The following HEATR5A variants were observed in gnomAD, a reference collection of about 807,000 sequenced individuals.
HEATR5A encodes HEAT repeat containing 5A.
A neutral mutation model predicts 218.8 loss-of-function variants in HEATR5A; 178 were observed. The ratio of observed to expected loss-of-function variants is 0.81; its 90% confidence interval spans 0.72 to 0.92. The LOEUF is 0.92. Among genes scored for constraint, HEATR5A ranks in the 40% least tolerant of loss-of-function variants. The pLI is 0.00. For missense variants in HEATR5A, 2,420 were observed against 2,418.9 expected (o/e 1.00, Z -0.01); for synonymous variants, 864 against 871.6 (o/e 0.99, Z 0.15).
chr14:31,380,476 T>A lies in HEATR5A; in HGVS notation c.1699A>T (p.Met567Leu). Residue 567 changes from methionine to leucine, a missense_variant, in exon 11 of 36, where the codon ATG (methionine) becomes TTG (leucine). Transcript: ENST00000543095. ...QAGWLLISAL[M>L]TLGPAVVSHH... ...TTCTACAGACTGTTACCTAATGTCA[T>A]CAGAGCAGAAATCAGCAACCATCCA... 2 of 1,602,240 alleles carry A rather than the reference T, an allele frequency of 1.2e-6. No individual in the cohort carries two copies. The highest frequency in any genetic ancestry group is 1.7e-6 in the Non-Finnish European group (2 of 1,173,162).
chr14:31,295,746 T>G (rs920563487), intron 34 of HEATR5A, among the ~76,000 whole-genome samples, 163 bp downstream of exon 34: 1 of 152,044 alleles, frequency 6.6e-6, no homozygotes, highest in Non-Finnish European at 1.5e-5. Flanking sequence ...AGACTACTGT[T>G]ATTTGGCTTT....
At chr14:31,373,588 C>T (rs1902118142) in intron 12 of HEATR5A, among the ~76,000 whole-genome samples, 1 of 152,168 alleles carries the variant, frequency 6.6e-6, no homozygotes, top group Non-Finnish European at 1.5e-5. Context: ...ACCTCAGCCT[C>T]CCAAAGTGCT....
intron 28 of HEATR5A, among the ~76,000 whole-genome samples, chr14:31,310,598 C>A (rs1379879689): frequency 6.6e-6 from 1 of 152,022 alleles, no homozygotes; most frequent in African/African-American, 2.4e-5. Context: ...CGAGATCAAG[C>A]CACTGCCCTC....
intron 10 of HEATR5A, among the ~76,000 whole-genome samples, chr14:31,382,864 C>A (rs1177274419): frequency 6.6e-6 from 1 of 150,978 alleles, no homozygotes; most frequent in Non-Finnish European, 1.5e-5. Flanking sequence ...CCTTAAGTTA[C>A]CTCTTTTTAA....
intron 1 of HEATR5A, among the ~76,000 whole-genome samples, chr14:31,416,914 C>T (rs779650285): frequency 1.3e-4 from 19 of 151,944 alleles, no homozygotes; most frequent in Middle Eastern, 3.4e-3. Flanking sequence ...ACAGCCTGGG[C>T]GACATAGCAA....
chr14:31,298,915 T>C (rs761463416), intron 33 of HEATR5A, among the ~76,000 whole-genome samples: 1 of 152,200 alleles, frequency 6.6e-6, no homozygotes, highest in African/African-American at 2.4e-5. Flanking sequence ...CTTACACCTC[T>C]CATTTGTGCC....
chr14:31,373,448 C>T (rs1902113024), intron 12 of HEATR5A, among the ~76,000 whole-genome samples: 1 of 151,810 alleles, frequency 6.6e-6, no homozygotes, highest in African/African-American at 2.4e-5. Flanking sequence ...CCTGTCTTAG[C>T]CTCCCAAGTA....
chr14:31,320,618 A>AC (rs1330194318), intron 25 of HEATR5A: 1 of 706,604 alleles, frequency 1.4e-6, no homozygotes, highest in African/African-American at 1.8e-5. Context: ...AATGAGTAAT[A>AC]CCCCGGTGGT....
chr14:31,315,953 GT>G lies in HEATR5A; in HGVS notation c.4039-5del, dbSNP rs1299936949. 2.7e-5 allele frequency: 41 copies of G among 1,524,530 alleles called. No homozygotes were observed. The East Asian group carries it at 9.3e-4, about 35-fold the overall frequency. 94.4% of individuals were successfully genotyped at this position (1,524,530 alleles called of 1,614,324 possible). ...TTGCTATCCAGGCACTGCAAACCTA[GT>G]TTTCAAGAAATTAAAAGTTATATTT... On this transcript the variant is annotated splice_polypyrimidine_tract_variant and splice_region_variant and intron_variant, in intron 26 of 35. Coordinates refer to ENST00000543095, the MANE Select transcript of HEATR5A (RefSeq NM_015473.4).
At position 31,304,964 on chromosome 14, in the gene HEATR5A, C is replaced by T. The variant is rs1407357877; in HGVS notation, c.5180G>A (p.Arg1727Lys). The change falls in exon 32 of 36, where the codon AGA becomes AAA. Residue 1727 changes from arginine to lysine, a missense_variant. Physicochemically the swap from Arg to Lys is conservative, Grantham distance 26. Coordinates refer to ENST00000543095, the MANE Select transcript of HEATR5A (RefSeq NM_015473.4). ...KPQILLEDGS[R>K]LVSAALVILS... ...GATAACCAATGCAGCTGAAACCAAT[C>T]TACTTCCATCTTCTAATAGTATCTG... 2 of 1,613,910 alleles carry T rather than the reference C, an allele frequency of 1.2e-6. No homozygotes were observed. Among genetic ancestry groups the T allele is most frequent in the African/African-American group, 2.7e-5 (2 of 74,940 alleles).
intron 9 of HEATR5A, among the ~76,000 whole-genome samples, chr14:31,384,528 CT>C (rs202158979): frequency 0.02 from 2,697 of 136,770 alleles, 122 homozygotes; most frequent in Admixed American, 0.11. Context: ...AATTCATATA[CT>C]TTTTTTTTTT....
intron 6 of HEATR5A, among the ~76,000 whole-genome samples, chr14:31,389,324 T>A (rs2030358002): frequency 6.6e-6 from 1 of 152,164 alleles, no homozygotes; most frequent in African/African-American, 2.4e-5. Flanking sequence ...ACTGCCCTAG[T>A]CCTCCACAAA....
At chr14:31,329,541 A>C (rs1316472280) in intron 22 of HEATR5A, among the ~76,000 whole-genome samples, 2 of 152,238 alleles carry the variant, frequency 1.3e-5, no homozygotes, top group South Asian at 2.1e-4. Context: ...TCCAGGGAAC[A>C]CTGATGCAAG....
chr14:31,404,118 C>T (rs1400022800), intron 1 of HEATR5A, among the ~76,000 whole-genome samples: 2 of 152,042 alleles, frequency 1.3e-5, no homozygotes, highest in Non-Finnish European at 2.9e-5. Flanking sequence ...AAATAAAACA[C>T]AAGTTGGCTA....
At chr14:31,358,553 T>C in intron 16 of HEATR5A, 84 bp downstream of exon 16, 1 of 1,195,068 alleles carries the variant, frequency 8.4e-7, no homozygotes. Context: ...TAAGAAATCA[T>C]TTACGCTAAT....
chr14:31,340,833 G>A (rs1162748812), intron 21 of HEATR5A, among the ~76,000 whole-genome samples: 1 of 152,198 alleles, frequency 6.6e-6, no homozygotes, highest in Non-Finnish European at 1.5e-5. Context: ...CACATGAACA[G>A]GTGTCCAGCA....
At chr14:31,358,533 C>T (rs755939827) in intron 16 of HEATR5A, 104 bp downstream of exon 16, 74 of 1,007,090 alleles carry the variant, frequency 7.3e-5, no homozygotes, top group African/African-American at 6.6e-4. Context: ...TCACCTTCAC[C>T]TGTTATTTAT....
chr14:31,356,523 T>A (rs561114816), intron 16 of HEATR5A, among the ~76,000 whole-genome samples: 129 of 152,218 alleles, frequency 8.5e-4, no homozygotes, highest in Non-Finnish European at 1.6e-3. Flanking sequence ...TGTAAACTAC[T>A]GTGCCTGGTC....
At chr14:31,393,231 G>C (rs1320025105) in intron 6 of HEATR5A, among the ~76,000 whole-genome samples, 1 of 152,164 alleles carries the variant, frequency 6.6e-6, no homozygotes, top group East Asian at 1.9e-4. Flanking sequence ...GGCCATGGCT[G>C]GGGGGTGGTG....
Sources: allele counts gnomAD v4.1 joint callset (sites outside exome capture counted in the v4.1 genomes callset), GRCh38; gene constraint gnomAD v4.1.1; transcripts MANE v1.5; gene names NCBI Gene and HGNC (gene_info 2026-07-23, HGNC 2026-07-21).